The following RPA3 variants were observed in gnomAD, a reference collection of about 807,000 sequenced individuals.
The protein encoded by RPA3 is replication protein A3.
RPA3 carries 24 observed loss-of-function variants against 13.7 expected under a neutral mutation model. The observed-to-expected ratio is 1.75, with a 90% CI of 1.27 to 2.46. The LOEUF (loss-of-function observed/expected upper bound fraction) is 2.46, where lower values mean the gene tolerates loss of function less well. RPA3 is among the 30% of genes most tolerant of loss of function. RPA3 has a pLI of 0.00. For missense variants in RPA3, 183 were observed against 151.0 expected, an observed-to-expected ratio of 1.21 and a Z score of -1.11; for synonymous variants, 59 against 51.2, an observed-to-expected ratio of 1.15 and a Z score of -0.65.
intron 7 of RPA3, 36 bp from the exon 8 acceptor site, chr7:7,637,118 A>ACTTTCCAT: frequency 7.2e-7 from 1 of 1,394,150 alleles, no homozygotes; most frequent in Non-Finnish European, 1.0e-6. Flanking sequence ...TTAATCTACA[A>ACTTTCCAT]TGGAAAGTTG....
At chr7:7,686,907 C>G (rs986390598) in intron 3 of RPA3, among the ~76,000 whole-genome samples, 1 of 152,170 alleles carries the variant, frequency 6.6e-6, no homozygotes, top group Non-Finnish European at 1.5e-5. Context: ...CCCCACTTCC[C>G]TTATCCTGGA....
At chr7:7,665,044 T>C (rs1487088151) in intron 4 of RPA3, among the ~76,000 whole-genome samples, 1 of 152,188 alleles carries the variant, frequency 6.6e-6, no homozygotes, top group Non-Finnish European at 1.5e-5. Context: ...TACACATGTA[T>C]TTACATTATT....
intron 4 of RPA3, among the ~76,000 whole-genome samples, chr7:7,677,664 G>GTTTTTGTTTTTT (rs1779778491): frequency 8.8e-6 from 1 of 113,502 alleles, no homozygotes. Flanking sequence ...CTGTTTTTTT[G>GTTTTTGTTTTTT]TTTTTTTTTT....
intron 4 of RPA3, among the ~76,000 whole-genome samples, chr7:7,667,637 T>C (rs1218090100): frequency 6.6e-6 from 1 of 152,202 alleles, no homozygotes; most frequent in East Asian, 1.9e-4. Flanking sequence ...TCTTCATAGA[T>C]GTTGTGCAGG....
intron 5 of RPA3, 186 bp downstream of exon 5, chr7:7,640,134 G>C (rs1420843004): frequency 1.1e-5 from 7 of 624,740 alleles, no homozygotes; most frequent in Non-Finnish European, 2.0e-5. Context: ...TTGTTTCCGT[G>C]CCATAAAAGA....
chr7:7,640,386 G>C lies in RPA3; in HGVS notation c.33C>G (p.Arg11=). 6.2e-7 allele frequency: 1 copy of C among 1,614,078 alleles called. No individual in the cohort carries two copies. Among genetic ancestry groups the C allele is most frequent in the East Asian group, 2.2e-5 (1 of 44,886 alleles). MVDMMDLPRS[R]INAGMLAQFI... is the part of the protein sequence containing the mutation. ...ATTGAGCTAGCATGCCGGCGTTGAT[G>C]CGCGACCTGGGCAAGTCCATCATGT... The change falls in exon 5 of 8, where the codon CGC becomes CGG. Residue 11 remains arginine (R), a synonymous_variant. Transcript: ENST00000223129.
intron 2 of RPA3, among the ~76,000 whole-genome samples, chr7:7,688,787 G>A: frequency 6.6e-6 from 1 of 152,040 alleles, no homozygotes; most frequent in Non-Finnish European, 1.5e-5. Flanking sequence ...AAAATTGTAA[G>A]CACATGACTA....
chr7:7,657,608 G>T (rs183820071), intron 4 of RPA3, among the ~76,000 whole-genome samples: 1 of 152,140 alleles, frequency 6.6e-6, no homozygotes, highest in South Asian at 2.1e-4. Flanking sequence ...GTATGTCAAA[G>T]ATCAGATGGT....
intron 4 of RPA3, among the ~76,000 whole-genome samples, chr7:7,662,419 G>A (rs1248939969): frequency 2.6e-5 from 4 of 152,168 alleles, no homozygotes; most frequent in Non-Finnish European, 5.9e-5. Context: ...CCAGTTTTGT[G>A]CTTAAAACCC....
At chr7:7,709,781 G>T (rs1780705339) in intron 2 of RPA3, among the ~76,000 whole-genome samples, 1 of 148,532 alleles carries the variant, frequency 6.7e-6, no homozygotes, top group Admixed American at 6.7e-5. Context: ...ACCTTTTAAA[G>T]TTTTTTTTTT....
intron 4 of RPA3, among the ~76,000 whole-genome samples, chr7:7,667,363 T>C (rs1779491506): frequency 6.6e-6 from 1 of 152,124 alleles, no homozygotes; most frequent in African/African-American, 2.4e-5. Context: ...CAGGCGGAAG[T>C]CCAGCTGTCA....
intron 3 of RPA3, among the ~76,000 whole-genome samples, chr7:7,686,814 A>G (rs1017464579): frequency 2.6e-5 from 4 of 152,202 alleles, no homozygotes; most frequent in Non-Finnish European, 5.9e-5. Flanking sequence ...CCAATGGGAT[A>G]TAAGAAGAAA....
chr7:7,677,671 T>G (rs1255821371), intron 4 of RPA3, among the ~76,000 whole-genome samples: 21 of 133,914 alleles, frequency 1.6e-4, no homozygotes, highest in East Asian at 8.3e-4. Context: ...TTTGTTTTTT[T>G]TTTTTTTTTT....
At chr7:7,709,745 T>C (rs1780704062) in intron 2 of RPA3, among the ~76,000 whole-genome samples, 1 of 152,208 alleles carries the variant, frequency 6.6e-6, no homozygotes, top group Non-Finnish European at 1.5e-5. Context: ...TAGCTCTTGC[T>C]TATGCAAATC....
At chr7:7,713,696 A>G (rs1343917841) in intron 2 of RPA3, among the ~76,000 whole-genome samples, 1 of 152,066 alleles carries the variant, frequency 6.6e-6, no homozygotes, top group African/African-American at 2.4e-5. Flanking sequence ...ATCATTTTTA[A>G]GCTTTTAAAA....
chr7:7,686,411 G>GT (rs1479035751), intron 3 of RPA3, among the ~76,000 whole-genome samples: 4 of 151,914 alleles, frequency 2.6e-5, no homozygotes, highest in African/African-American at 9.7e-5. Context: ...TATGGGTTTT[G>GT]TTTTTTTGTA....
intron 4 of RPA3, among the ~76,000 whole-genome samples, chr7:7,673,648 C>A (rs1779667463): frequency 6.6e-6 from 1 of 151,754 alleles, no homozygotes; most frequent in African/African-American, 2.4e-5. Flanking sequence ...TGAGACTTTT[C>A]TTCCGTGTTG....
At chr7:7,677,277 T>C (rs1033380154) in intron 4 of RPA3, among the ~76,000 whole-genome samples, 1 of 152,150 alleles carries the variant, frequency 6.6e-6, no homozygotes, top group Non-Finnish European at 1.5e-5. Context: ...TTTAGTTATT[T>C]AAAAATATAC....
At chr7:7,684,519 A>G (rs28915974) in intron 4 of RPA3, among the ~76,000 whole-genome samples, 4,254 of 151,534 alleles carry the variant, frequency 0.028, 103 homozygotes, top group East Asian at 0.095. Flanking sequence ...ACCACAAGCA[A>G]TTTTTTTTTC....
Sources: gnomAD v4.1 joint callset for allele counts (sites outside exome capture counted in the v4.1 genomes callset) on GRCh38, gnomAD v4.1.1 for gene constraint, MANE v1.5 for transcripts, NCBI Gene and HGNC (gene_info 2026-07-23, HGNC 2026-07-21) for gene names.